Variants in PXDNL observed in about 807,000 individuals in gnomAD.
The protein encoded by PXDNL is probable oxidoreductase PXDNL.
A neutral mutation model predicts 150.8 loss-of-function variants in PXDNL; 145 were observed. The ratio of observed to expected loss-of-function variants is 0.96; its 90% CI spans 0.84 to 1.10. The LOEUF (loss-of-function observed/expected upper bound fraction) is 1.10, where lower values mean the gene tolerates loss of function less well. Among genes scored for constraint, PXDNL ranks in the 50% least tolerant of loss-of-function variants. The pLI is 0.00. For synonymous variants in PXDNL, 757 were observed against 725.7 expected (o/e 1.04, Z -0.69); for missense variants, 2,087 against 1,873.9 (o/e 1.11, Z -2.10).
intron 1 of PXDNL, among the ~76,000 whole-genome samples, chr8:51,709,017 G>T (rs141344333): frequency 6.6e-6 from 1 of 152,040 alleles, no homozygotes; most frequent in South Asian, 2.1e-4. Flanking sequence ...AGCAGAAGAC[G>T]AGCAGACTGC....
chr8:51,661,526 G>A (rs559544064), intron 1 of PXDNL, among the ~76,000 whole-genome samples: 23 of 152,338 alleles, frequency 1.5e-4, no homozygotes, highest in African/African-American at 5.1e-4. Context: ...CCCCAGGTCC[G>A]CTGAGGAAGA....
At chr8:51,763,800 G>A (rs2037194606) in intron 1 of PXDNL, among the ~76,000 whole-genome samples, 1 of 152,070 alleles carries the variant, frequency 6.6e-6, no homozygotes, top group Admixed American at 6.5e-5. Flanking sequence ...AATTATCCAT[G>A]TTGTAGCATG....
chr8:51,513,586 C>T (rs894728560), intron 4 of PXDNL, among the ~76,000 whole-genome samples: 5 of 152,200 alleles, frequency 3.3e-5, no homozygotes, highest in Non-Finnish European at 7.4e-5. Context: ...GAAAAATTAG[C>T]ATTGGTCACT....
At position 51,799,670 on chromosome 8, in the gene PXDNL, T is replaced by C. The variant is rs139228625; in HGVS notation, c.164+9511A>G. Among the ~76,000 whole-genome samples the C allele has an allele frequency of 2.0e-5, 3 of 152,268 alleles. No individual in the cohort carries two copies. In the East Asian group the frequency reaches 5.8e-4, roughly 29 times the overall value. On this transcript the variant is annotated intron_variant, in intron 1 of 22. Coordinates refer to ENST00000356297, the MANE Select transcript of PXDNL (RefSeq NM_144651.5). ...CTTGTCTTTAGAGTTGGCCAAAATA[T>C]AGACCATGGCAAAATCAGCCTCTCT...
At chr8:51,413,349 ATGCC>A in intron 14 of PXDNL, 91 bp from the exon 15 acceptor site, 1 of 716,982 alleles carries the variant, frequency 1.4e-6, no homozygotes. Flanking sequence ...TTTAAATGTA[ATGCC>A]ATTACATTTA....
At chr8:51,746,780 G>C (rs1000882955) in intron 1 of PXDNL, among the ~76,000 whole-genome samples, 1 of 152,206 alleles carries the variant, frequency 6.6e-6, no homozygotes, top group Non-Finnish European at 1.5e-5. Context: ...GGAGTGCAGT[G>C]GTGTGATCAC....
chr8:51,434,984 C>T (rs1331137294), intron 12 of PXDNL, among the ~76,000 whole-genome samples: 5 of 152,230 alleles, frequency 3.3e-5, no homozygotes, highest in Non-Finnish European at 5.9e-5. Flanking sequence ...GTGCTCTGTC[C>T]TTTCCACATT....
At chr8:51,581,639 G>A (rs564695719) in intron 3 of PXDNL, among the ~76,000 whole-genome samples, 98 of 152,234 alleles carry the variant, frequency 6.4e-4, no homozygotes, top group Non-Finnish European at 1.0e-3. Flanking sequence ...GAGTCAAATT[G>A]AAACACCTGT....
In PXDNL at chr8:51,345,860, T is replaced by G; in HGVS notation, c.3989A>C (p.Asp1330Ala). ...ACTTCTTAGATGACTTAACTCCATATCCTTATCAACAGGATAGCTGTATTG... is the reference window on the plus strand; with the variant it reads ...ACTTCTTAGATGACTTAACTCCATAGCCTTATCAACAGGATAGCTGTATTG... ...SAQYSYPVDK[D>A]MELSHLRSRQ... is the part of the protein sequence containing the mutation. The change falls in exon 20 of 23, where the codon GAT (aspartate) becomes GCT (alanine). Residue 1330 changes from aspartate (D) to alanine (A), a missense_variant. Transcript: ENST00000356297. 1 of 1,612,520 alleles carries G rather than the reference T, an allele frequency of 6.2e-7. No homozygotes were observed. The highest frequency in any genetic ancestry group is 1.3e-5 in the African/African-American group (1 of 75,038).
intron 4 of PXDNL, among the ~76,000 whole-genome samples, chr8:51,514,481 T>C (rs1042420087): frequency 2.6e-5 from 4 of 152,216 alleles, no homozygotes; most frequent in Non-Finnish European, 5.9e-5. Flanking sequence ...CTCAATACTA[T>C]ATTATGAAAA....
intron 21 of PXDNL, among the ~76,000 whole-genome samples, chr8:51,323,213 A>G (rs750193627): frequency 1.2e-4 from 19 of 152,250 alleles, no homozygotes; most frequent in Non-Finnish European, 2.4e-4. Context: ...TTAGGACAGT[A>G]AAGCTTTTTC....
intron 1 of PXDNL, among the ~76,000 whole-genome samples, chr8:51,714,027 G>A (rs1050302825): frequency 1.2e-4 from 19 of 152,038 alleles, no homozygotes; most frequent in Non-Finnish European, 1.8e-4. Context: ...AACAAGAGCC[G>A]GTAATTTTTA....
chr8:51,669,001 A>G (rs1265625617), intron 1 of PXDNL, among the ~76,000 whole-genome samples: 2 of 152,218 alleles, frequency 1.3e-5, no homozygotes, highest in Admixed American at 6.5e-5. Context: ...TAAAATAAGT[A>G]TCATTAAAAA....
chr8:51,708,513 A>G (rs1816429247), intron 1 of PXDNL, among the ~76,000 whole-genome samples: 2 of 152,244 alleles, frequency 1.3e-5, no homozygotes, highest in South Asian at 4.1e-4. Context: ...GGAAATTGTA[A>G]AGAATAGAAT....
chr8:51,372,560 T>C (rs1408694260), intron 18 of PXDNL, among the ~76,000 whole-genome samples: 1 of 152,212 alleles, frequency 6.6e-6, no homozygotes, highest in East Asian at 1.9e-4. Flanking sequence ...AATTTTTATA[T>C]CGTTACTAGA....
intron 1 of PXDNL, among the ~76,000 whole-genome samples, chr8:51,666,864 A>G (rs535718084): frequency 6.6e-6 from 1 of 152,242 alleles, no homozygotes; most frequent in East Asian, 1.9e-4. Context: ...CTGTCAATTT[A>G]TTTTAATTCT....
At chr8:51,447,882 A>C in intron 11 of PXDNL, among the ~76,000 whole-genome samples, 1 of 152,050 alleles carries the variant, frequency 6.6e-6, no homozygotes, top group East Asian at 1.9e-4. Context: ...TTCAAATCAA[A>C]CCCCACAACC....
At chr8:51,681,285 A>G (rs1227813699) in intron 1 of PXDNL, among the ~76,000 whole-genome samples, 1 of 152,132 alleles carries the variant, frequency 6.6e-6, no homozygotes, top group Non-Finnish European at 1.5e-5. Flanking sequence ...AGTCCCCATA[A>G]GAGAACTGCT....
At position 51,800,692 on chromosome 8, in the gene PXDNL, C is replaced by T. The variant is rs59614510; in HGVS notation, c.164+8489G>A. ...TTAATACTTTCATAATTTCTTATGCCTGTCTTTACTGCAATCTCTGAACAT... is the reference window on the plus strand; with the variant it reads ...TTAATACTTTCATAATTTCTTATGCTTGTCTTTACTGCAATCTCTGAACAT... On this transcript the variant is annotated intron_variant, in intron 1 of 22. Coordinates refer to ENST00000356297, the MANE Select transcript of PXDNL (RefSeq NM_144651.5). Among the ~76,000 whole-genome samples, 328 of 152,304 alleles carry T rather than the reference C, an allele frequency of 2.2e-3. 2 individuals carry two copies. Among genetic ancestry groups the T allele is most frequent in the African/African-American group, 7.5e-3 (310 of 41,568 alleles).
Sources: allele counts gnomAD v4.1 joint callset (sites outside exome capture counted in the v4.1 genomes callset), GRCh38; gene constraint gnomAD v4.1.1; transcripts MANE v1.5; gene names NCBI Gene and HGNC (gene_info 2026-07-23, HGNC 2026-07-21).